The following INTS1 variants were observed in gnomAD, a reference collection of about 807,000 sequenced individuals.
INTS1 encodes the protein integrator complex subunit 1.
A neutral mutation model predicts 241.6 loss-of-function variants in INTS1; 137 were observed. The ratio of observed to expected loss-of-function variants is 0.57; its 90% confidence interval spans 0.49 to 0.65. The LOEUF is 0.65. Ranked by LOEUF, INTS1 falls within the 30% of genes least tolerant of loss-of-function variation. The probability of loss-of-function intolerance (pLI) is 0.00; values close to 1 mark genes in which losing one functional copy is unlikely to be tolerated. For synonymous variants in INTS1, 1,692 were observed against 1,337.8 expected, an observed-to-expected ratio of 1.26 and a Z score of -5.78; for missense variants, 3,073 against 3,032.2, an observed-to-expected ratio of 1.01 and a Z score of -0.32.
intron 42 of INTS1, 107 bp from the exon 43 acceptor site, chr7:1,473,291 G>A (rs1781559307): frequency 1.3e-6 from 1 of 764,438 alleles, no homozygotes; most frequent in South Asian, 1.7e-5. Flanking sequence ...CAGGCATGCA[G>A]GAGAGGCCAG....
chr7:1,497,048 G>T lies in INTS1; in HGVS notation c.1602+90C>A. 1 of 1,303,548 alleles carries T rather than the reference G, an allele frequency of 7.7e-7. No individual in the cohort carries two copies. The highest frequency in any genetic ancestry group is 1.0e-6 in the Non-Finnish European group (1 of 965,416). The allele number at this position is 1,303,548 out of a possible 1,614,324, so 80.7% of individuals were successfully genotyped here. ...ACGCTCAGCCAGAGCATCCGAAGGGGTGGAGTGTGCATGGGACCCAGGACG... is the reference window on the plus strand; with the variant it reads ...ACGCTCAGCCAGAGCATCCGAAGGGTTGGAGTGTGCATGGGACCCAGGACG... On this transcript the variant is annotated intron_variant, in intron 11 of 47. Transcript: ENST00000404767. The surrounding 1 kb of genome is among the most constrained non-coding windows in gnomAD (Gnocchi z 5.3).
rs1403022637 is a variant in INTS1, at chr7:1,497,919, G to A, written c.1425+493C>T. The stretch of plus-strand genomic sequence containing the variant: ...GCTTAACCGAGGGACCCAATGCACA[G>A]GAGGCGGGTCTGGGCCAGGCACAGG... On this transcript the variant is annotated intron_variant, in intron 10 of 47. Transcript: ENST00000404767. This position sits in a 1 kb window ranked among gnomAD's most constrained non-coding sequence, Gnocchi z 5.3. Among the ~76,000 whole-genome samples the A allele has an allele frequency of 1.3e-5, 2 of 152,218 alleles. No homozygotes were observed. Among genetic ancestry groups the A allele is most frequent in the East Asian group, 3.8e-4 (2 of 5,196 alleles).
At position 1,498,955 on chromosome 7, in the gene INTS1, C is replaced by G; in HGVS notation, c.1137+20G>C. The G allele has an allele frequency of 6.7e-7, 1 of 1,485,524 alleles. No homozygotes were observed. Among genetic ancestry groups the G allele is most frequent in the South Asian group, 1.2e-5 (1 of 81,922 alleles). 92.0% of individuals were successfully genotyped at this position (1,485,524 alleles called of 1,614,324 possible). A position where few individuals can be genotyped will look rare whatever the true frequency, so the allele number is the denominator to read the frequency against. Reference sequence around the variant, plus strand: ...GCCCCCACCCCCTGCCCCGCCCACCCCCCCGGGGCGCCCCCGCACCTTGGG... The same window carrying G: ...GCCCCCACCCCCTGCCCCGCCCACCGCCCCGGGGCGCCCCCGCACCTTGGG... On this transcript the variant is annotated intron_variant, in intron 8 of 47. Transcript: ENST00000404767.
intron 16 of INTS1, among the ~76,000 whole-genome samples, chr7:1,491,314 C>A (rs1353383663): frequency 6.6e-6 from 1 of 152,224 alleles, no homozygotes; most frequent in Non-Finnish European, 1.5e-5. Flanking sequence ...GGTGCGACTT[C>A]CGACACGAAG....
intron 12 of INTS1, 111 bp from the exon 13 acceptor site, chr7:1,495,664 C>T: frequency 7.3e-7 from 1 of 1,370,248 alleles, no homozygotes. Context: ...TAACTCAGGG[C>T]ACCCCCAGCT....
chr7:1,485,128 C>T lies in INTS1; in HGVS notation c.3231G>A (p.Glu1077=). The T allele has an allele frequency of 6.2e-7, 1 of 1,601,080 alleles. No homozygotes were observed. The highest frequency in any genetic ancestry group is 8.5e-7 in the Non-Finnish European group (1 of 1,179,484). ...LIYLSQHTPV[E]EQAQHSDLAL... ...CCAGGTCGCTGTGCTGGGCCTGCTC[C>T]TCCACAGGCGTGTGCTGGGACAAGT... The change falls in exon 24 of 48, where the codon GAG becomes GAA. Residue 1077 remains glutamate (E), a synonymous_variant. Transcript: ENST00000404767.
chr7:1,483,284 G>A, intron 26 of INTS1: 1 of 252,962 alleles, frequency 4.0e-6, no homozygotes, highest in Non-Finnish European at 7.9e-6. Context: ...AGAGGGCACG[G>A]CTGGGTAGGC....
intron 22 of INTS1, among the ~76,000 whole-genome samples, chr7:1,486,211 C>T (rs981999543): frequency 2.0e-5 from 3 of 152,000 alleles, no homozygotes; most frequent in African/African-American, 7.3e-5. Context: ...GCTGGGATGA[C>T]AAGAGCAAGC....
chr7:1,477,550 C>G lies in INTS1; in HGVS notation c.4938G>C (p.Lys1646Asn). Residue 1646 changes from lysine (K) to asparagine (N), a missense_variant and splice_region_variant, in exon 35 of 48, where the codon AAG (lysine) becomes AAC (asparagine). Transcript: ENST00000404767. ...CGTGCTGAAGCTGGGTGCCACCCAC[C>G]TTCCTCCGGGAGAAGAGCAGCCTGA... is the stretch of plus-strand genomic sequence containing the variant. The part of the protein sequence containing the change: ...LQLRLLFSRR[K>N]GKGQAQVPSF... The G allele has an allele frequency of 2.6e-6, 4 of 1,513,004 alleles. No homozygotes were observed. Among genetic ancestry groups the G allele is most frequent in the Non-Finnish European group, 3.5e-6 (4 of 1,132,790 alleles). 93.7% of individuals were successfully genotyped at this position (1,513,004 alleles called of 1,614,324 possible).
Position 1,495,523 on chromosome 7 carries a change from T to C in INTS1, c.1742A>G (p.Gln581Arg), listed in dbSNP as rs201388926. 5 of 1,612,336 alleles carry C rather than the reference T, an allele frequency of 3.1e-6. No homozygotes were observed. Among genetic ancestry groups the C allele is most frequent in the Admixed American group, 1.7e-5 (1 of 59,906 alleles). The change falls in exon 13 of 48, where the codon CAG becomes CGG. Residue 581 changes from glutamine (Q) to arginine (R), a missense_variant. Physicochemically the swap from Gln to Arg is conservative, Grantham distance 43. Transcript: ENST00000404767. ...NLEVLRSFQN[Q>R]IAAIQRDAVW... ...GGCATCCCGCTGGATGGCGGCAATC[T>C]GGTTCTGGAATGAGCGGAGCACTTC...
In INTS1 at chr7:1,470,627, C is replaced by T. The variant is rs370940992; in HGVS notation, c.6523G>A (p.Ala2175Thr). The change falls in exon 48 of 48, where the codon GCG (alanine) becomes ACG (threonine). Residue 2175 changes from alanine (A) to threonine (T), a missense_variant. Transcript: ENST00000404767. ...ATCCTCAGGGCCTCGGAGATCTGCG[C>T]GCTGGGGTCCATCTGGCCGTACATG... ...VGMYGQMDPS[A>T]QISEALRILH... The T allele has an allele frequency of 9.9e-5, 157 of 1,587,974 alleles. No individual in the cohort carries two copies. In the African/African-American group the frequency reaches 1.3e-3, roughly 13 times the overall value.
intron 8 of INTS1, 32 bp downstream of exon 8, chr7:1,498,943 G>GCCCCCCCCCCCCCCCCCCC: frequency 9.3e-7 from 1 of 1,070,746 alleles, no homozygotes; most frequent in Non-Finnish European, 1.3e-6. Context: ...CCCACCCCCT[G>GCCCCCCCCCCCCCCCCCCC]CCCCGCCCAC....
intron 31 of INTS1, 42 bp from the exon 32 acceptor site, chr7:1,478,927 A>G (rs886100680): frequency 2.6e-6 from 4 of 1,567,214 alleles, no homozygotes; most frequent in Non-Finnish European, 3.5e-6. Flanking sequence ...GGCAGAGGAC[A>G]CACGGGGACC....
chr7:1,503,867 A>G, intron 2 of INTS1, 36 bp downstream of exon 2: 1 of 1,519,480 alleles, frequency 6.6e-7, no homozygotes, highest in Non-Finnish European at 8.9e-7. Context: ...AGACCCCCAA[A>G]GACCCCCGGG....
At chr7:1,499,788 C>T (rs924103095) in intron 5 of INTS1, 96 bp downstream of exon 5, 3 of 1,490,622 alleles carry the variant, frequency 2.0e-6, no homozygotes, top group East Asian at 2.4e-5. Flanking sequence ...CTGTCAGACA[C>T]AGCCCTCTGG....
At chr7:1,503,683 G>A (rs1783314227) in intron 2 of INTS1, among the ~76,000 whole-genome samples, 1 of 152,188 alleles carries the variant, frequency 6.6e-6, no homozygotes, top group African/African-American at 2.4e-5. Flanking sequence ...CCTGAAACGA[G>A]ATCACCGGGG....
At chr7:1,488,062 G>T in intron 18 of INTS1, 105 bp from the exon 19 acceptor site, 2 of 1,174,982 alleles carry the variant, frequency 1.7e-6, no homozygotes, top group Non-Finnish European at 2.5e-6. Context: ...GGCTGCTGCT[G>T]CCTCTGCTGC....
chr7:1,498,984 C>T lies in INTS1; in HGVS notation c.1128G>A (p.Gln376=), dbSNP rs991613909. Residue 376 remains glutamine (Q), a synonymous_variant, in exon 8 of 48, where the codon CAG becomes CAA. Transcript: ENST00000404767. ...CGGGGCGCCCCCGCACCTTGGGGTT[C>T]TGCAGCCACATCTCCAGCTTCTGCA... is the stretch of plus-strand genomic sequence containing the variant. ...LAVQKLEMWL[Q]NPKLTRPAQD... 4 of 1,223,920 alleles carry T rather than the reference C, an allele frequency of 3.3e-6. No homozygotes were observed. Among genetic ancestry groups the T allele is most frequent in the East Asian group, 5.5e-5 (1 of 18,080 alleles). 75.8% of individuals were successfully genotyped at this position (1,223,920 alleles called of 1,614,324 possible). A position where few individuals can be genotyped will look rare whatever the true frequency, so the allele number is the denominator to read the frequency against.
chr7:1,499,691 A>G, intron 5 of INTS1, 59 bp from the exon 6 acceptor site: 1 of 1,538,388 alleles, frequency 6.5e-7, no homozygotes, highest in East Asian at 2.3e-5. Context: ...AGGTTGGGGA[A>G]CACCCGCCTG....
Sources: gnomAD v4.1 joint callset for allele counts (sites outside exome capture counted in the v4.1 genomes callset) on GRCh38, gnomAD v4.1.1 for gene constraint, Gnocchi (gnomAD v3.1) non-coding constraint, MANE v1.5 for transcripts, NCBI Gene and HGNC (gene_info 2026-07-23, HGNC 2026-07-21) for gene names.